The following MARCHF4 variants were observed in gnomAD, a reference collection of about 807,000 sequenced individuals.
The protein encoded by MARCHF4 is membrane associated ring-CH-type finger 4, also known as E3 ubiquitin-protein ligase MARCHF4.
MARCHF4 carries 14 observed loss-of-function variants against 43.9 expected under a neutral mutation model. That is an observed-to-expected ratio of 0.32 (90% confidence interval 0.21 to 0.50). The LOEUF is 0.50. MARCHF4 is among the 20% of genes least tolerant of loss of function. The probability of loss-of-function intolerance (pLI) is 0.98; values close to 1 mark genes in which losing one functional copy is unlikely to be tolerated. For missense variants in MARCHF4, 468 were observed against 536.7 expected, an observed-to-expected ratio of 0.87 and a Z score of 1.27; for synonymous variants, 226 against 213.3, an observed-to-expected ratio of 1.06 and a Z score of -0.52.
chr2:216,320,649 T>C (rs1354852461), intron 1 of MARCHF4, among the ~76,000 whole-genome samples: 2 of 121,092 alleles, frequency 1.7e-5, no homozygotes, highest in South Asian at 2.9e-4. Flanking sequence ...CTTTCTTTCT[T>C]TCTTTCTTTC....
intron 3 of MARCHF4, among the ~76,000 whole-genome samples, chr2:216,271,116 G>T (rs207875): frequency 2.0e-5 from 3 of 151,984 alleles, no homozygotes; most frequent in Admixed American, 2.0e-4. Flanking sequence ...CCACCAGTGG[G>T]GTCAAATCTG....
intron 1 of MARCHF4, among the ~76,000 whole-genome samples, chr2:216,331,798 G>C (rs1478698270): frequency 3.3e-5 from 5 of 152,166 alleles, no homozygotes; most frequent in Admixed American, 3.3e-4. Flanking sequence ...AAAGTTATTA[G>C]TGAACTCAGA....
chr2:216,346,858 C>CAAATTGT (rs1397930036), intron 1 of MARCHF4, among the ~76,000 whole-genome samples: 14 of 152,096 alleles, frequency 9.2e-5, no homozygotes, highest in African/African-American at 3.4e-4. Flanking sequence ...AATCTCATGT[C>CAAATTGT]AAATTGTAAT....
At chr2:216,278,287 G>A (rs575884516) in intron 2 of MARCHF4, among the ~76,000 whole-genome samples, 2 of 152,238 alleles carry the variant, frequency 1.3e-5, no homozygotes, top group East Asian at 1.9e-4. Flanking sequence ...GCAGTGGCAC[G>A]ATCTCGGCTC....
chr2:216,348,685 T>G (rs1692357632), intron 1 of MARCHF4, among the ~76,000 whole-genome samples: 1 of 152,226 alleles, frequency 6.6e-6, no homozygotes. Flanking sequence ...ATTCTTTTAC[T>G]TTCCTAATAA....
intron 1 of MARCHF4, among the ~76,000 whole-genome samples, chr2:216,369,343 G>T (rs1009776795): frequency 3.3e-5 from 5 of 152,174 alleles, no homozygotes; most frequent in African/African-American, 9.7e-5. Flanking sequence ...GAAGAAGTTG[G>T]GATATGGGAC....
intron 1 of MARCHF4, among the ~76,000 whole-genome samples, chr2:216,315,873 G>A (rs1181603974): frequency 6.6e-6 from 1 of 152,126 alleles, no homozygotes; most frequent in Non-Finnish European, 1.5e-5. Context: ...AGTCATCCCA[G>A]TCGCCTTAGG....
rs540360092 is a variant in MARCHF4, at chr2:216,343,865, A to G, written c.516+25880T>C. On this transcript the variant is annotated intron_variant, in intron 1 of 3. Transcript: ENST00000273067. ...ACTAGAGGCCAGAAGAGTAGCTAGA[A>G]GTACTATCTGGATATGAATAGTAAT... is the stretch of plus-strand genomic sequence containing the variant. Among the ~76,000 whole-genome samples, 225 of 152,324 alleles carry G rather than the reference A, an allele frequency of 1.5e-3. 1 individual carries two copies. Among genetic ancestry groups the G allele is most frequent in the Non-Finnish European group, 2.6e-3 (179 of 68,028 alleles).
intron 3 of MARCHF4, among the ~76,000 whole-genome samples, chr2:216,263,057 G>A (rs754715827): frequency 2.0e-5 from 3 of 152,174 alleles, no homozygotes; most frequent in Non-Finnish European, 2.9e-5. Context: ...GTATGAGCAG[G>A]TGCGTGAGGG....
chr2:216,282,018 T>C (rs1050853324), intron 2 of MARCHF4, among the ~76,000 whole-genome samples: 3 of 152,134 alleles, frequency 2.0e-5, no homozygotes, highest in African/African-American at 7.2e-5. Context: ...TCTGATCCTT[T>C]CTTGAGGCTT....
chr2:216,291,326 C>T (rs945484250), intron 1 of MARCHF4, among the ~76,000 whole-genome samples: 11 of 152,260 alleles, frequency 7.2e-5, no homozygotes, highest in African/African-American at 2.6e-4. Flanking sequence ...AGTTTTCTTT[C>T]TGGTTTCTTC....
chr2:216,308,878 T>G (rs565093841), intron 1 of MARCHF4, among the ~76,000 whole-genome samples: 1 of 152,230 alleles, frequency 6.6e-6, no homozygotes, highest in East Asian at 1.9e-4. Flanking sequence ...TGGTCCCCTG[T>G]TCCCCTTTTT....
At chr2:216,337,424 CA>C (rs201348863) in intron 1 of MARCHF4, among the ~76,000 whole-genome samples, 4 of 152,072 alleles carry the variant, frequency 2.6e-5, no homozygotes, top group East Asian at 1.9e-4. Flanking sequence ...AGTAAACACA[CA>C]AAAAAATGCC....
intron 1 of MARCHF4, among the ~76,000 whole-genome samples, chr2:216,320,027 G>A (rs1027293144): frequency 3.3e-5 from 5 of 152,164 alleles, no homozygotes; most frequent in African/African-American, 1.2e-4. Context: ...ATTAGTCAAT[G>A]CCTTGGTTGA....
At chr2:216,261,819 G>A (rs1433269368) in intron 3 of MARCHF4, among the ~76,000 whole-genome samples, 3 of 152,196 alleles carry the variant, frequency 2.0e-5, no homozygotes, top group African/African-American at 7.2e-5. Context: ...GGTGTTTAGA[G>A]GCTTGGTGGA....
chr2:216,305,263 T>A (rs963610590), intron 1 of MARCHF4, among the ~76,000 whole-genome samples: 1 of 152,234 alleles, frequency 6.6e-6, no homozygotes, highest in African/African-American at 2.4e-5. Flanking sequence ...GTGAGTCCGG[T>A]ATGCATGTGG....
intron 1 of MARCHF4, among the ~76,000 whole-genome samples, chr2:216,293,587 ACAAT>A (rs1278675861): frequency 7.9e-6 from 1 of 126,856 alleles, no homozygotes; most frequent in Non-Finnish European, 1.8e-5. Flanking sequence ...AAAAAAAAAA[ACAAT>A]GTAAAAAGAG....
chr2:216,284,275 C>A (rs1691183626), intron 1 of MARCHF4, among the ~76,000 whole-genome samples: 1 of 152,078 alleles, frequency 6.6e-6, no homozygotes, highest in Non-Finnish European at 1.5e-5. Flanking sequence ...CCTCCAGTCA[C>A]CCTTGGGTCT....
chr2:216,314,586 G>T (rs534046616), intron 1 of MARCHF4, among the ~76,000 whole-genome samples: 1 of 152,158 alleles, frequency 6.6e-6, no homozygotes. Context: ...GCCTCCCAAA[G>T]TGCTGGGGTT....
Sources: allele counts gnomAD v4.1 joint callset (sites outside exome capture counted in the v4.1 genomes callset), GRCh38; gene constraint gnomAD v4.1.1; transcripts MANE v1.5; gene names NCBI Gene and HGNC (gene_info 2026-07-23, HGNC 2026-07-21).